Variants in REXO1 observed in about 807,000 individuals in gnomAD.
REXO1 encodes the protein RNA exonuclease 1 homolog.
A neutral mutation model predicts 102.6 loss-of-function variants in REXO1; 42 were observed. The ratio of observed to expected loss-of-function variants is 0.41; its 90% confidence interval spans 0.32 to 0.53. The LOEUF (loss-of-function observed/expected upper bound fraction) is 0.53, where lower values mean the gene tolerates loss of function less well. Among genes scored for constraint, REXO1 ranks in the 20% least tolerant of loss-of-function variants. The pLI, the probability that REXO1 is intolerant of heterozygous loss-of-function variation, is 0.27. For missense variants in REXO1, 1,819 were observed against 1,732.5 expected, an observed-to-expected ratio of 1.05 and a Z score of -0.89; for synonymous variants, 908 against 779.1, an observed-to-expected ratio of 1.17 and a Z score of -2.76.
intron 1 of REXO1, among the ~76,000 whole-genome samples, chr19:1,829,115 G>A (rs1010546845): frequency 2.7e-4 from 41 of 152,360 alleles, no homozygotes; most frequent in South Asian, 1.2e-3. Flanking sequence ...GTGTGCCCGC[G>A]GTGTGGCGGA....
chr19:1,831,599 T>G (rs984153372), intron 1 of REXO1, among the ~76,000 whole-genome samples: 4 of 151,416 alleles, frequency 2.6e-5, no homozygotes, highest in African/African-American at 9.7e-5. Context: ...TCCCAGCACT[T>G]TGGGAGGCTG....
intron 3 of REXO1, among the ~76,000 whole-genome samples, chr19:1,825,107 C>G (rs1001464027): frequency 6.7e-6 from 1 of 149,072 alleles, no homozygotes; most frequent in Non-Finnish European, 1.5e-5. Context: ...CGAGACCAGT[C>G]TGGCCAACAT....
At chr19:1,845,363 G>T (rs866277883) in intron 1 of REXO1, among the ~76,000 whole-genome samples, 1 of 152,196 alleles carries the variant, frequency 6.6e-6, no homozygotes, top group Non-Finnish European at 1.5e-5. Flanking sequence ...AGGTCCAGCC[G>T]GCTCTGAAAT....
At position 1,818,535 on chromosome 19, in the gene REXO1, C is replaced by T. The variant is rs1490878746; in HGVS notation, c.2963G>A (p.Cys988Tyr). The T allele has an allele frequency of 1.2e-6, 2 of 1,611,966 alleles. No homozygotes were observed. Among genetic ancestry groups the T allele is most frequent in the Non-Finnish European group, 1.7e-6 (2 of 1,179,662 alleles). Residue 988 changes from cysteine (C) to tyrosine (Y), a missense_variant, in exon 10 of 16, where the codon TGC (cysteine) becomes TAC (tyrosine). Transcript: ENST00000170168. ...GTAATAACACTCCTCGTCCCGGATG[C>T]AGCGGCCTGAAGAGGACACGAGGTA... ...TEYLVSSSGR[C>Y]IRDEECYYHW...
chr19:1,817,040 T>G, intron 12 of REXO1, 179 bp downstream of exon 12: 1 of 819,718 alleles, frequency 1.2e-6, no homozygotes, highest in Non-Finnish European at 1.9e-6. Flanking sequence ...CCGGTGTGCT[T>G]GGCTCTGCTG....
rs1247393583 is a variant in REXO1, at chr19:1,848,239, G to A, written c.120C>T (p.Gly40=). 3 of 1,228,698 alleles carry A rather than the reference G, an allele frequency of 2.4e-6. No homozygotes were observed. Among genetic ancestry groups the A allele is most frequent in the Admixed American group, 8.6e-5 (2 of 23,300 alleles). 76.1% of individuals were successfully genotyped at this position (1,228,698 alleles called of 1,614,324 possible). Residue 40 remains glycine, a synonymous_variant, in exon 1 of 16, where the codon GGC becomes GGT. Coordinates refer to ENST00000170168, the MANE Select transcript of REXO1 (RefSeq NM_020695.4). ...GCGCCTCTCCGCCGTCACCGGGCGC[G>A]CCGGAGCCCCGGGCCCCGCGGTGCC... is the stretch of plus-strand genomic sequence containing the variant. The part of the protein sequence containing the change: ...HFRHRGARGS[G]APGDGGEAPP...
intron 14 of REXO1, 23 bp from the exon 15 acceptor site, chr19:1,816,368 G>A (rs1297417728): frequency 6.3e-7 from 1 of 1,591,692 alleles, no homozygotes; most frequent in East Asian, 2.3e-5. Context: ...GCAGAGATCA[G>A]CGCACGTGGG....
At position 1,840,632 on chromosome 19, in the gene REXO1, G is replaced by A. The variant is rs1164687323; in HGVS notation, c.157+7570C>T. Among the ~76,000 whole-genome samples, 9 of 151,626 alleles carry A rather than the reference G, an allele frequency of 5.9e-5. No homozygotes were observed. The South Asian group carries it at 6.3e-4, about 11-fold the overall frequency. On this transcript the variant is annotated intron_variant, in intron 1 of 15. Transcript: ENST00000170168. ...AGTAATCCTGTGTTTGGAAACACTC[G>A]CCCCACCCCCCTGCAACTCTGAGTG... is the stretch of plus-strand genomic sequence containing the variant.
At chr19:1,816,191 C>T (rs750340588) in intron 15 of REXO1, 34 bp downstream of exon 15, 2 of 1,566,104 alleles carry the variant, frequency 1.3e-6, no homozygotes, top group Non-Finnish European at 1.7e-6. Context: ...GGCCCCTGCG[C>T]AGGGACGGCC....
At position 1,848,449 on chromosome 19, in the gene REXO1, G is replaced by A. The variant is rs1351128658; in HGVS notation, c.-91C>T. On this transcript the variant is annotated 5_prime_UTR_variant, in exon 1 of 16. Coordinates refer to ENST00000170168, the MANE Select transcript of REXO1 (RefSeq NM_020695.4). ...GCGGTCGCCGCCGCCCGCGCCTCAC[G>A]GACCCCGCCGCCGCCATCTTGCTCC... 4.1e-6 allele frequency: 4 copies of A among 965,208 alleles called. No individual in the cohort carries two copies. In the Admixed American group the frequency reaches 1.6e-4, roughly 39 times the overall value. The allele number at this position is 965,208 out of a possible 1,614,324, so 59.8% of individuals were successfully genotyped here.
At chr19:1,836,603 G>A (rs961769660) in intron 1 of REXO1, among the ~76,000 whole-genome samples, 11 of 152,114 alleles carry the variant, frequency 7.2e-5, no homozygotes, top group Admixed American at 2.6e-4. Context: ...CAAATTAGCC[G>A]GGCGTGGCGG....
intron 1 of REXO1, among the ~76,000 whole-genome samples, chr19:1,842,088 G>A (rs572017092): frequency 3.9e-5 from 6 of 152,234 alleles, no homozygotes; most frequent in East Asian, 1.9e-4. Context: ...GCAGGTGCCT[G>A]TAATCCCAGC....
Position 1,828,480 on chromosome 19 carries a change from C to T in REXO1, c.309G>A (p.Glu103=), listed in dbSNP as rs1568701389. The T allele has an allele frequency of 3.7e-6, 6 of 1,606,144 alleles. No individual in the cohort carries two copies. In the East Asian group the frequency reaches 1.1e-4, roughly 30 times the overall value. ...QAIEAVRSEV[E]LEQRRYRELL... is the part of the protein sequence containing the mutation. The stretch of plus-strand genomic sequence containing the variant: ...GCTCCCGGTAGCGCCGCTGCTCCAG[C>T]TCCACCTCACTGCGCACGGCCTCGA... Residue 103 remains glutamate, a synonymous_variant, in exon 2 of 16, where the codon GAG becomes GAA. Transcript: ENST00000170168.
chr19:1,820,218 C>T (rs1193353299), intron 6 of REXO1, 46 bp downstream of exon 6: 3 of 1,590,780 alleles, frequency 1.9e-6, no homozygotes, highest in Non-Finnish European at 2.6e-6. Context: ...CACCCTGGAC[C>T]CCTAGTCCCC....
At chr19:1,835,527 G>C (rs753862716) in intron 1 of REXO1, among the ~76,000 whole-genome samples, 1 of 152,134 alleles carries the variant, frequency 6.6e-6, no homozygotes, top group Non-Finnish European at 1.5e-5. Flanking sequence ...CAACCTGGGC[G>C]ACAGAGCTAT....
At chr19:1,821,765 C>T in intron 4 of REXO1, 83 bp from the exon 5 acceptor site, 1 of 1,296,130 alleles carries the variant, frequency 7.7e-7, no homozygotes. Context: ...CGCGGCCGCT[C>T]AGCGCCAGCA....
intron 1 of REXO1, among the ~76,000 whole-genome samples, chr19:1,847,721 T>G (rs1411752190): frequency 6.6e-6 from 1 of 152,142 alleles, no homozygotes; most frequent in Non-Finnish European, 1.5e-5. Context: ...CCTCGGACCA[T>G]CCTAACTCAA....
intron 3 of REXO1, chr19:1,824,478 T>C (rs550024161): frequency 7.2e-5 from 11 of 152,348 alleles, no homozygotes; most frequent in African/African-American, 2.4e-4. Context: ...AAAACGTGCG[T>C]TGTGACGAAA....
rs373578633 is a variant in REXO1, at chr19:1,828,031, T to C, written c.758A>G (p.Glu253Gly). Reference sequence around the variant, plus strand: ...GCCCCGGGGCCGCTTGGCGGCCCGCTCATCCCGGGAGCTGGCCCTGCTGAG... The same window carrying C: ...GCCCCGGGGCCGCTTGGCGGCCCGCCCATCCCGGGAGCTGGCCCTGCTGAG... Reference protein sequence around the residue: ...RHLSRASSRDERAAKRPRGSR... With the variant: ...RHLSRASSRDGRAAKRPRGSR... Residue 253 changes from glutamate to glycine, a missense_variant, in exon 2 of 16, where the codon GAG (glutamate) becomes GGG (glycine). By Grantham distance (98) the Glu-to-Gly change is moderately conservative (BLOSUM62 -2). Transcript: ENST00000170168. 2.5e-6 allele frequency: 4 copies of C among 1,612,694 alleles called. No homozygotes were observed. The African/African-American group carries it at 4.0e-5, about 16-fold the overall frequency.
Sources: gnomAD v4.1 joint callset for allele counts (sites outside exome capture counted in the v4.1 genomes callset) on GRCh38, gnomAD v4.1.1 for gene constraint, MANE v1.5 for transcripts, NCBI Gene and HGNC (gene_info 2026-07-23, HGNC 2026-07-21) for gene names.